MEIS2: variants seen among roughly 807,000 people sequenced by gnomAD.
The protein encoded by MEIS2 is Meis homeobox 2.
In MEIS2, 9 loss-of-function variants were observed where a neutral mutation model predicts 58.6. The ratio of observed to expected loss-of-function variants is 0.15; its 90% confidence interval spans 0.09 to 0.27. The LOEUF is 0.27. Ranked by LOEUF, MEIS2 falls within the 10% of genes least tolerant of loss-of-function variation. The pLI is 1.00. For synonymous variants in MEIS2, 221 were observed against 228.4 expected, an observed-to-expected ratio of 0.97 and a Z score of 0.29; for missense variants, 427 against 635.0, an observed-to-expected ratio of 0.67 and a Z score of 3.52.
chr15:37,013,616 C>CAT (rs894285046), intron 8 of MEIS2, among the ~76,000 whole-genome samples: 19 of 147,504 alleles, frequency 1.3e-4, no homozygotes, highest in East Asian at 5.8e-4. Flanking sequence ...TAATATATTA[C>CAT]ATATATATAT....
intron 7 of MEIS2, among the ~76,000 whole-genome samples, chr15:37,070,740 T>TA (rs1218515424): frequency 2.0e-5 from 3 of 152,126 alleles, no homozygotes; most frequent in Non-Finnish European, 4.4e-5. Flanking sequence ...GCAACAATGC[T>TA]AAAAAAATTT....
At chr15:37,094,639 T>G (rs1893972727) in intron 4 of MEIS2, 62 bp from the exon 5 acceptor site, 1 of 1,489,616 alleles carries the variant, frequency 6.7e-7, no homozygotes, top group Non-Finnish European at 9.3e-7. Flanking sequence ...TGTCTTGGGG[T>G]TGGGAGTGGG....
At chr15:37,028,427 G>A (rs1222232812) in intron 8 of MEIS2, among the ~76,000 whole-genome samples, 1 of 152,118 alleles carries the variant, frequency 6.6e-6, no homozygotes, top group African/African-American at 2.4e-5. Flanking sequence ...CAAGTAAAAG[G>A]TTATGACATA....
chr15:37,024,793 G>A (rs945088743), intron 8 of MEIS2, among the ~76,000 whole-genome samples: 1 of 152,186 alleles, frequency 6.6e-6, no homozygotes, highest in Non-Finnish European at 1.5e-5. Flanking sequence ...TTCTCCACCA[G>A]CTTGACCAGG....
intron 10 of MEIS2, 119 bp from the exon 11 acceptor site, chr15:36,895,380 A>G: frequency 1.3e-6 from 1 of 787,784 alleles, no homozygotes; most frequent in Non-Finnish European, 2.0e-6. Flanking sequence ...GCACTCTACA[A>G]ATGGGGGTGT....
intron 7 of MEIS2, among the ~76,000 whole-genome samples, chr15:37,046,000 G>T (rs1248951609): frequency 6.6e-6 from 1 of 152,222 alleles, no homozygotes; most frequent in Non-Finnish European, 1.5e-5. Context: ...GAAAAAAAGA[G>T]GGGATTTTAT....
At chr15:36,979,341 GA>G (rs2059857674) in intron 8 of MEIS2, among the ~76,000 whole-genome samples, 2 of 152,080 alleles carry the variant, frequency 1.3e-5, no homozygotes, top group Admixed American at 1.3e-4. Flanking sequence ...GAAAAATTTT[GA>G]AATGCTAGGC....
At chr15:36,920,438 C>T (rs531693228) in intron 9 of MEIS2, among the ~76,000 whole-genome samples, 39 of 152,300 alleles carry the variant, frequency 2.6e-4, no homozygotes, top group African/African-American at 8.7e-4. Flanking sequence ...TGAGCCACGG[C>T]GCCCGGTCTA....
At chr15:36,932,673 CGTGT>C (rs1380127425) in intron 9 of MEIS2, among the ~76,000 whole-genome samples, 2 of 151,894 alleles carry the variant, frequency 1.3e-5, no homozygotes, top group African/African-American at 4.8e-5. Context: ...TGTGTGTGCA[CGTGT>C]GTGTCTGTCT....
At chr15:37,011,404 A>G (rs1208215321) in intron 8 of MEIS2, among the ~76,000 whole-genome samples, 3 of 152,182 alleles carry the variant, frequency 2.0e-5, no homozygotes, top group Admixed American at 6.5e-5. Context: ...CAAAATAGAA[A>G]AATGAAGTTC....
At chr15:37,052,653 A>G (rs2062971119) in intron 7 of MEIS2, among the ~76,000 whole-genome samples, 1 of 152,244 alleles carries the variant, frequency 6.6e-6, no homozygotes, top group African/African-American at 2.4e-5. Context: ...TATTTGGCAC[A>G]TATTAGATAA....
chr15:36,892,424 C>T lies in MEIS2; in HGVS notation c.1183G>A (p.Gly395Ser). ...GCCATACTCATTCCCATAGGACCACCCTGAGAAACGTAGTCCCCTGGCATG... is the reference window on the plus strand; with the variant it reads ...GCCATACTCATTCCCATAGGACCACTCTGAGAAACGTAGTCCCCTGGCATG... Reference protein sequence around the residue: ...QSMPGDYVSQGGPMGMSMAQP... With the variant: ...QSMPGDYVSQSGPMGMSMAQP... Residue 395 changes from glycine to serine, a missense_variant, in exon 12 of 12, where the codon GGT (glycine) becomes AGT (serine). By Grantham distance (56) the Gly-to-Ser change is moderately conservative (BLOSUM62 0). Around this residue, in one of 6 missense-constraint regions of MEIS2, gnomAD observed 154 missense variants for 148.1 expected, o/e 1.04. Transcript: ENST00000561208. 6.2e-7 allele frequency: 1 copy of T among 1,613,232 alleles called. No individual in the cohort carries two copies. Among genetic ancestry groups the T allele is most frequent in the African/African-American group, 1.3e-5 (1 of 74,738 alleles).
intron 8 of MEIS2, among the ~76,000 whole-genome samples, chr15:36,965,694 A>T (rs2059330471): frequency 6.6e-6 from 1 of 152,232 alleles, no homozygotes; most frequent in Non-Finnish European, 1.5e-5. Flanking sequence ...GGAAAATTTC[A>T]TGGAGCAAAC....
chr15:36,938,722 T>C (rs1207697858), intron 9 of MEIS2, among the ~76,000 whole-genome samples: 1 of 152,158 alleles, frequency 6.6e-6, no homozygotes, highest in Non-Finnish European at 1.5e-5. Context: ...AGGCTTAGAA[T>C]CATAAAATAT....
intron 7 of MEIS2, among the ~76,000 whole-genome samples, chr15:37,079,406 G>A (rs923828474): frequency 2.6e-5 from 4 of 151,972 alleles, no homozygotes; most frequent in African/African-American, 4.8e-5. Flanking sequence ...AGAGATTGCC[G>A]CCACTATGAA....
intron 7 of MEIS2, among the ~76,000 whole-genome samples, chr15:37,063,911 G>T (rs1217416879): frequency 6.6e-6 from 1 of 152,192 alleles, no homozygotes; most frequent in Non-Finnish European, 1.5e-5. Flanking sequence ...GTGTTAAGCT[G>T]CAAGATCTGT....
At chr15:37,042,816 T>C (rs183787727) in intron 7 of MEIS2, among the ~76,000 whole-genome samples, 145 of 152,246 alleles carry the variant, frequency 9.5e-4, no homozygotes, top group African/African-American at 3.2e-3. Context: ...TCATAACTGG[T>C]TTAACACAGT....
At chr15:36,991,619 A>C (rs2060277179) in intron 8 of MEIS2, among the ~76,000 whole-genome samples, 1 of 152,140 alleles carries the variant, frequency 6.6e-6, no homozygotes, top group Non-Finnish European at 1.5e-5. Flanking sequence ...GTGTAAAAAT[A>C]GTTGGAAGTA....
At chr15:37,087,730 C>A (rs1893058016) in intron 6 of MEIS2, among the ~76,000 whole-genome samples, 2 of 152,018 alleles carry the variant, frequency 1.3e-5, no homozygotes, top group African/African-American at 4.8e-5. Context: ...TGCAGATACA[C>A]TGGAATTGTA....
Sources: gnomAD v4.1 joint callset for allele counts (sites outside exome capture counted in the v4.1 genomes callset) on GRCh38, gnomAD v4.1.1 for gene constraint, gnomAD v4.1.1 regional missense constraint, MANE v1.5 for transcripts, NCBI Gene and HGNC (gene_info 2026-07-23, HGNC 2026-07-21) for gene names.